TENM2: variants seen among roughly 807,000 people sequenced by gnomAD.
TENM2 encodes the protein teneurin-2.
Under a neutral mutation model 245.2 loss-of-function variants are expected in TENM2, and 52 were observed. The observed-to-expected ratio is 0.21, with a 90% CI of 0.17 to 0.27. The LOEUF (loss-of-function observed/expected upper bound fraction) is 0.27, where lower values mean the gene tolerates loss of function less well. TENM2 is among the 10% of genes least tolerant of loss of function. The pLI, the probability that TENM2 is intolerant of heterozygous loss-of-function variation, is 1.00. For synonymous variants in TENM2, 1,363 were observed against 1,438.9 expected (o/e 0.95, Z 1.19); for missense variants, 3,046 against 3,666.8 (o/e 0.83, Z 4.37).
At chr5:167,261,914 C>G in the TENM2 span, among the ~76,000 whole-genome samples, 1 of 152,290 alleles carries the variant, frequency 6.6e-6, no homozygotes, top group African/African-American at 2.4e-5. Flanking sequence ...GGGGGAGACT[C>G]TAACAGCTCC....
At chr5:167,035,165 C>A in the TENM2 span, among the ~76,000 whole-genome samples, 2 of 152,050 alleles carry the variant, frequency 1.3e-5, no homozygotes, top group African/African-American at 4.8e-5. Context: ...TATTACTATG[C>A]ATAGTAGTTC....
intron 4 of TENM2, among the ~76,000 whole-genome samples, 195 bp from the exon 7 acceptor site, chr5:167,992,749 G>C (rs1172681737): frequency 6.6e-6 from 1 of 152,126 alleles, no homozygotes; most frequent in Non-Finnish European, 1.5e-5. Flanking sequence ...ATATGTGAAA[G>C]GAGCAAATTA....
At chr5:167,077,216 A>G in the TENM2 span, among the ~76,000 whole-genome samples, 1 of 152,246 alleles carries the variant, frequency 6.6e-6, no homozygotes, top group Non-Finnish European at 1.5e-5. Context: ...AATAAAATAG[A>G]ACTTAGTGTA....
chr5:167,414,840 A>G (rs956656542), intron 2 of TENM2, among the ~76,000 whole-genome samples: 4 of 152,158 alleles, frequency 2.6e-5, no homozygotes, highest in Non-Finnish European at 5.9e-5. Flanking sequence ...CATCCAGAGG[A>G]GCAAGAGTTA....
intron 22 of TENM2, among the ~76,000 whole-genome samples, chr5:168,217,456 T>TG (rs1376106306): frequency 3.3e-5 from 5 of 152,232 alleles, no homozygotes; most frequent in African/African-American, 1.2e-4. Flanking sequence ...TCAGACAGCC[T>TG]GGAATATACG....
intron 13 of TENM2, among the ~76,000 whole-genome samples, chr5:168,183,498 T>A (rs1210222684): frequency 2.6e-5 from 4 of 152,192 alleles, no homozygotes; most frequent in African/African-American, 9.6e-5. Context: ...TCCCCCTTTT[T>A]ACTCAGGAAA....
At position 168,180,745 on chromosome 5, in the gene TENM2, T is replaced by A. The variant is rs532717354; in HGVS notation, c.2570-9592T>A. Among the ~76,000 whole-genome samples the A allele has an allele frequency of 1.3e-3, 192 of 151,704 alleles. 1 individual carries two copies. Among genetic ancestry groups the A allele is most frequent in the African/African-American group, 4.4e-3 (182 of 41,300 alleles). On this transcript the variant is annotated intron_variant, in intron 13 of 28. Transcript: ENST00000518659. ...ACCCTGTCTCTACTAAAAATAAAAATAAAAAAATTAGCTGGGCATTGTGGC... is the reference window on the plus strand; with the variant it reads ...ACCCTGTCTCTACTAAAAATAAAAAAAAAAAAATTAGCTGGGCATTGTGGC...
the TENM2 span, among the ~76,000 whole-genome samples, chr5:167,108,448 G>A: frequency 2.0e-5 from 3 of 152,136 alleles, no homozygotes; most frequent in Non-Finnish European, 2.9e-5. Flanking sequence ...TTGAATGCAA[G>A]GCTTATCTTT....
At chr5:168,066,933 T>C (rs988229437) in intron 7 of TENM2, among the ~76,000 whole-genome samples, 1 of 152,190 alleles carries the variant, frequency 6.6e-6, no homozygotes, top group African/African-American at 2.4e-5. Context: ...CAAGTCAGAA[T>C]CTTGGGCGGT....
the TENM2 span, among the ~76,000 whole-genome samples, chr5:167,248,603 G>C: frequency 6.6e-6 from 1 of 152,096 alleles, no homozygotes; most frequent in African/African-American, 2.4e-5. Context: ...GTGAATATCA[G>C]GGTCCATAAG....
chr5:167,622,079 A>C (rs1253460743), intron 2 of TENM2, among the ~76,000 whole-genome samples: 1 of 152,240 alleles, frequency 6.6e-6, no homozygotes, highest in African/African-American at 2.4e-5. Flanking sequence ...ATAAGATTAC[A>C]TAAGTGTTTC....
chr5:167,056,509 ATG>A, the TENM2 span, among the ~76,000 whole-genome samples: 3 of 146,236 alleles, frequency 2.1e-5, no homozygotes, highest in African/African-American at 4.9e-5. Flanking sequence ...TTTAATATAT[ATG>A]TATTTTATGT....
the TENM2 span, among the ~76,000 whole-genome samples, chr5:167,063,469 T>G: frequency 6.6e-6 from 1 of 152,194 alleles, no homozygotes; most frequent in Non-Finnish European, 1.5e-5. Flanking sequence ...TCTGTGTATC[T>G]GCATTTTCAA....
At chr5:167,696,259 A>G (rs2150420604) in intron 2 of TENM2, among the ~76,000 whole-genome samples, 1 of 152,148 alleles carries the variant, frequency 6.6e-6, no homozygotes, top group Middle Eastern at 3.4e-3. Flanking sequence ...GTAGCTTATT[A>G]TTTTTTCACT....
At chr5:167,513,872 C>A (rs140603131) in intron 2 of TENM2, among the ~76,000 whole-genome samples, 1 of 152,184 alleles carries the variant, frequency 6.6e-6, no homozygotes, top group Non-Finnish European at 1.5e-5. Flanking sequence ...ATCCTGCTGA[C>A]TAAGACCCCA....
At chr5:167,527,959 GGT>G (rs1422842550) in intron 2 of TENM2, among the ~76,000 whole-genome samples, 3 of 152,004 alleles carry the variant, frequency 2.0e-5, no homozygotes, top group Non-Finnish European at 4.4e-5. Context: ...TCCATCCTCT[GGT>G]GGGAAAGGAG....
At chr5:167,508,345 G>C (rs890234811) in intron 2 of TENM2, among the ~76,000 whole-genome samples, 1 of 152,110 alleles carries the variant, frequency 6.6e-6, no homozygotes, top group African/African-American at 2.4e-5. Context: ...AGGACAGTAG[G>C]GGTGGTGATT....
intron 2 of TENM2, among the ~76,000 whole-genome samples, chr5:167,873,134 G>T (rs1773124111): frequency 6.6e-6 from 1 of 152,260 alleles, no homozygotes. Context: ...ATTCCTCTGA[G>T]TTCAGGAGCC....
intron 3 of TENM2, among the ~76,000 whole-genome samples, chr5:167,918,879 G>A (rs748993154): frequency 2.6e-5 from 4 of 151,602 alleles, no homozygotes; most frequent in South Asian, 2.1e-4. Context: ...ATGTTCTTCC[G>A]AGCAGCTTGA....
Sources: allele counts gnomAD v4.1 joint callset (sites outside exome capture counted in the v4.1 genomes callset), GRCh38; gene constraint gnomAD v4.1.1; transcripts MANE v1.5; gene names NCBI Gene and HGNC (gene_info 2026-07-23, HGNC 2026-07-21).